LRMDA: variants seen among roughly 807,000 people sequenced by gnomAD.
The protein encoded by LRMDA is leucine rich melanocyte differentiation associated, also known as leucine-rich melanocyte differentiation-associated protein.
In LRMDA, 18 loss-of-function variants were observed where a neutral mutation model predicts 29.8. The observed-to-expected ratio is 0.60, with a 90% CI of 0.42 to 0.90. LRMDA has a LOEUF of 0.90. LRMDA is among the 40% of genes least tolerant of loss of function. The probability of loss-of-function intolerance (pLI) is 0.00; values close to 1 mark genes in which losing one functional copy is unlikely to be tolerated. For synonymous variants in LRMDA, 125 were observed against 109.4 expected, an observed-to-expected ratio of 1.14 and a Z score of -0.89; for missense variants, 273 against 273.9, an observed-to-expected ratio of 1.00 and a Z score of 0.02.
At chr10:76,217,288 C>T (rs528296374) in intron 5 of LRMDA, among the ~76,000 whole-genome samples, 1 of 152,280 alleles carries the variant, frequency 6.6e-6, no homozygotes, top group South Asian at 2.1e-4. Flanking sequence ...CTTCATTCCC[C>T]CAAACTGTAT....
At chr10:75,817,056 C>T (rs1023220508) in intron 2 of LRMDA, among the ~76,000 whole-genome samples, 18 of 152,202 alleles carry the variant, frequency 1.2e-4, no homozygotes, top group African/African-American at 4.1e-4. Context: ...CTACTCCTGG[C>T]CTCATCATCG....
intron 2 of LRMDA, among the ~76,000 whole-genome samples, chr10:75,959,322 C>T (rs1165322631): frequency 6.6e-6 from 1 of 152,122 alleles, no homozygotes; most frequent in Non-Finnish European, 1.5e-5. Flanking sequence ...GGCAGCACCA[C>T]CTTGGCCTTC....
At chr10:76,045,844 G>A (rs1848430125) in intron 3 of LRMDA, among the ~76,000 whole-genome samples, 1 of 152,082 alleles carries the variant, frequency 6.6e-6, no homozygotes, top group African/African-American at 2.4e-5. Flanking sequence ...AATATTTTAG[G>A]GACCCAATTC....
chr10:76,291,503 A>G (rs544078717), intron 5 of LRMDA, among the ~76,000 whole-genome samples: 8 of 152,288 alleles, frequency 5.3e-5, no homozygotes, highest in African/African-American at 1.9e-4. Context: ...TAGGCATTTA[A>G]ATGCATTTCT....
At chr10:76,355,957 A>G (rs1482864881) in intron 6 of LRMDA, among the ~76,000 whole-genome samples, 1 of 152,184 alleles carries the variant, frequency 6.6e-6, no homozygotes, top group African/African-American at 2.4e-5. Flanking sequence ...TGGAAACCCA[A>G]TTAGAAGGGC....
At chr10:75,823,214 C>T (rs1844191256) in intron 2 of LRMDA, among the ~76,000 whole-genome samples, 1 of 152,106 alleles carries the variant, frequency 6.6e-6, no homozygotes, top group South Asian at 2.1e-4. Context: ...GCAGACAATG[C>T]ATCTGACAAA....
At chr10:75,663,325 A>G (rs534553668) in intron 2 of LRMDA, among the ~76,000 whole-genome samples, 2 of 152,206 alleles carry the variant, frequency 1.3e-5, no homozygotes, top group African/African-American at 2.4e-5. Flanking sequence ...AGACTTTCCT[A>G]TAGGAAGTAT....
chr10:76,543,962 C>T (rs141325263), intron 6 of LRMDA, among the ~76,000 whole-genome samples: 204 of 152,234 alleles, frequency 1.3e-3, no homozygotes, highest in African/African-American at 4.5e-3. Context: ...ACCCTGTAGA[C>T]GGAATTCTCT....
At chr10:76,384,390 G>A (rs1841634615) in intron 6 of LRMDA, among the ~76,000 whole-genome samples, 1 of 152,170 alleles carries the variant, frequency 6.6e-6, no homozygotes, top group Admixed American at 6.5e-5. Context: ...ATAAAGAAAT[G>A]GAGAGAGACA....
intron 6 of LRMDA, among the ~76,000 whole-genome samples, chr10:76,349,326 G>A (rs1429559253): frequency 6.6e-6 from 1 of 152,150 alleles, no homozygotes; most frequent in African/African-American, 2.4e-5. Context: ...GGGGTTGGCT[G>A]TGTTCCAATA....
intron 5 of LRMDA, among the ~76,000 whole-genome samples, chr10:76,138,715 T>C (rs1026307448): frequency 1.3e-5 from 2 of 152,188 alleles, no homozygotes; most frequent in African/African-American, 4.8e-5. Flanking sequence ...CAAATACCAT[T>C]ACAAATAGAT....
chr10:76,072,416 C>G (rs1270753880), intron 5 of LRMDA, among the ~76,000 whole-genome samples: 1 of 152,118 alleles, frequency 6.6e-6, no homozygotes, highest in Non-Finnish European at 1.5e-5. Flanking sequence ...ACATCTGACA[C>G]CAGTGCTTGG....
At chr10:76,451,369 T>G (rs1842404560) in intron 6 of LRMDA, among the ~76,000 whole-genome samples, 1 of 151,896 alleles carries the variant, frequency 6.6e-6, no homozygotes, top group Admixed American at 6.6e-5. Flanking sequence ...GCCTGGCTAA[T>G]TTTTTTGTTA....
At chr10:76,168,588 T>C in intron 5 of LRMDA, among the ~76,000 whole-genome samples, 1 of 152,000 alleles carries the variant, frequency 6.6e-6, no homozygotes, top group East Asian at 1.9e-4. Context: ...GTTTAAAGTT[T>C]AGGTAGTTCA....
intron 2 of LRMDA, among the ~76,000 whole-genome samples, chr10:75,474,431 G>A (rs1897130): frequency 6.6e-6 from 1 of 152,310 alleles, no homozygotes; most frequent in Non-Finnish European, 1.5e-5. Context: ...TCTCACTTTA[G>A]CATGGCAGAA....
chr10:75,460,246 G>A (rs577921157), intron 2 of LRMDA, among the ~76,000 whole-genome samples: 70 of 152,290 alleles, frequency 4.6e-4, no homozygotes, highest in Admixed American at 1.3e-3. Context: ...ATGTGATTGC[G>A]TAAGTTAATA....
Position 75,616,702 on chromosome 10 carries a change from G to C in LRMDA, c.131+178208G>C, listed in dbSNP as rs528488983. ...TGTGTCTGAGTTATCTCAAAATTTG[G>C]TTTTATGCAATCTTTATGAAGACAG... On this transcript the variant is annotated intron_variant, in intron 2 of 6. Transcript: ENST00000611255. Among the ~76,000 whole-genome samples, 49 of 152,234 alleles carry C rather than the reference G, an allele frequency of 3.2e-4. 1 individual carries two copies. The highest frequency in any genetic ancestry group is 1.1e-3 in the African/African-American group (46 of 41,528).
intron 5 of LRMDA, among the ~76,000 whole-genome samples, chr10:76,143,003 C>G (rs1054917579): frequency 6.6e-6 from 1 of 152,058 alleles, no homozygotes; most frequent in African/African-American, 2.4e-5. Flanking sequence ...CATCCATGTC[C>G]CTACAAAGGA....
At chr10:76,449,884 C>T (rs1290706491) in intron 6 of LRMDA, among the ~76,000 whole-genome samples, 1 of 152,002 alleles carries the variant, frequency 6.6e-6, no homozygotes, top group Non-Finnish European at 1.5e-5. Context: ...ATGCTATCAA[C>T]ATTTTATGAT....
Sources: gnomAD v4.1 joint callset for allele counts (sites outside exome capture counted in the v4.1 genomes callset) on GRCh38, gnomAD v4.1.1 for gene constraint, MANE v1.5 for transcripts, NCBI Gene and HGNC (gene_info 2026-07-23, HGNC 2026-07-21) for gene names.